The following C1orf94 variants were observed in gnomAD, a reference collection of about 807,000 sequenced individuals.
C1orf94 encodes the protein chromosome 1 open reading frame 94.
In C1orf94, 45 loss-of-function variants were observed where a neutral mutation model predicts 53.6. The ratio of observed to expected loss-of-function variants is 0.84; its 90% CI spans 0.66 to 1.08. The LOEUF (loss-of-function observed/expected upper bound fraction) is 1.08. Ranked by LOEUF, C1orf94 falls within the 50% of genes least tolerant of loss-of-function variation. The pLI is 0.00. For synonymous variants in C1orf94, 304 were observed against 296.1 expected, an observed-to-expected ratio of 1.03 and a Z score of -0.27; for missense variants, 762 against 738.9, an observed-to-expected ratio of 1.03 and a Z score of -0.36.
In C1orf94 at chr1:34,200,708, G is replaced by A. The variant is rs1043949610; in HGVS notation, c.1010-64G>A. On this transcript the variant is annotated intron_variant, in intron 2 of 6. Coordinates refer to ENST00000488417, the MANE Select transcript of C1orf94 (RefSeq NM_001134734.2). ...GGATTCATCATTTAGTCCACAAAAA[G>A]GTGCTTCCAGCATCCAGCACTTGGC... 4 of 1,591,748 alleles carry A rather than the reference G, an allele frequency of 2.5e-6. No individual in the cohort carries two copies. In the Admixed American group the frequency reaches 7.0e-5, roughly 28 times the overall value.
intron 4 of C1orf94, among the ~76,000 whole-genome samples, chr1:34,204,484 G>A (rs1321962460): frequency 6.6e-6 from 1 of 152,084 alleles, no homozygotes; most frequent in Non-Finnish European, 1.5e-5. Context: ...TATTGTCATG[G>A]ACCTGTTCAT....
chr1:34,197,442 G>T lies in C1orf94; in HGVS notation c.538G>T (p.Val180Phe). ...TGAGCGCCCCAGAGCCTCCATCATT[G>T]TCGGAGACAAGCTTCTGAAGCAGAA... Reference protein sequence around the residue: ...SNERPRASIIVGDKLLKQKVA... With the variant: ...SNERPRASIIFGDKLLKQKVA... The change falls in exon 2 of 7, where the codon GTC becomes TTC. Residue 180 changes from valine (V) to phenylalanine (F), a missense_variant. By Grantham distance (50) the Val-to-Phe change is conservative (BLOSUM62 -1). Transcript: ENST00000488417. This position sits in a 1 kb window ranked among gnomAD's most constrained non-coding sequence, Gnocchi z 4.1. The T allele has an allele frequency of 6.2e-7, 1 of 1,614,002 alleles. No individual in the cohort carries two copies. The highest frequency in any genetic ancestry group is 8.5e-7 in the Non-Finnish European group (1 of 1,179,922).
At chr1:34,200,745 AT>A in intron 2 of C1orf94, 26 bp from the exon 3 acceptor site, 1 of 1,613,188 alleles carries the variant, frequency 6.2e-7, no homozygotes. Flanking sequence ...TTCCAGAGGC[AT>A]TGACTCAGTT....
chr1:34,189,342 C>T (rs572265727), intron 1 of C1orf94, among the ~76,000 whole-genome samples: 6 of 141,982 alleles, frequency 4.2e-5, no homozygotes, highest in South Asian at 2.2e-4. Flanking sequence ...TATATGTGCC[C>T]GAGTGTGTGT....
rs982589175 is a variant in C1orf94, at chr1:34,197,866, G to A, written c.962G>A (p.Cys321Tyr). Residue 321 changes from cysteine (C) to tyrosine (Y), a missense_variant, in exon 2 of 7, where the codon TGT becomes TAT. By Grantham distance (194) the Cys-to-Tyr change is radical (BLOSUM62 -2). Coordinates refer to ENST00000488417, the MANE Select transcript of C1orf94 (RefSeq NM_001134734.2). The surrounding 1 kb of genome is among the most constrained non-coding windows in gnomAD (Gnocchi z 4.1). ...CAGCTCCCAGTGTTTGCCAAGATCTGTTCCAAGCCCAAGGCTGACCCTGCT... is the reference window on the plus strand; with the variant it reads ...CAGCTCCCAGTGTTTGCCAAGATCTATTCCAAGCCCAAGGCTGACCCTGCT... ...KRQLPVFAKI[C>Y]SKPKADPAVE... 1 of 1,614,076 alleles carries A rather than the reference G, an allele frequency of 6.2e-7. No homozygotes were observed. Among genetic ancestry groups the A allele is most frequent in the African/African-American group, 1.3e-5 (1 of 74,936 alleles).
chr1:34,212,438 A>G lies in C1orf94; in HGVS notation c.1721+32A>G, dbSNP rs373384984. The G allele has an allele frequency of 2.0e-3, 3,192 of 1,579,682 alleles. 23 individuals are homozygous for G. The highest frequency in any genetic ancestry group is 0.013 in the South Asian group (1,139 of 86,648). ...CAGCCCACACTGGGAGCCTAAGGGTATCCAGAAAGCTGGTGGGAACGGGGG... is the reference window on the plus strand; with the variant it reads ...CAGCCCACACTGGGAGCCTAAGGGTGTCCAGAAAGCTGGTGGGAACGGGGG... On this transcript the variant is annotated intron_variant, in intron 6 of 6. Coordinates refer to ENST00000488417, the MANE Select transcript of C1orf94 (RefSeq NM_001134734.2).
chr1:34,168,991 A>G (rs1642095062), intron 1 of C1orf94, among the ~76,000 whole-genome samples: 1 of 152,178 alleles, frequency 6.6e-6, no homozygotes, highest in Non-Finnish European at 1.5e-5. Flanking sequence ...GTAAAGAGAT[A>G]TCTGTTTACA....
chr1:34,195,956 CA>C (rs768753117), intron 1 of C1orf94, among the ~76,000 whole-genome samples: 2 of 152,236 alleles, frequency 1.3e-5, no homozygotes, highest in Non-Finnish European at 2.9e-5. Flanking sequence ...AAGCCTAAGC[CA>C]CAGCAGCTGA....
chr1:34,182,608 G>T (rs191749498), intron 1 of C1orf94, among the ~76,000 whole-genome samples: 2 of 152,180 alleles, frequency 1.3e-5, no homozygotes, highest in Non-Finnish European at 2.9e-5. Flanking sequence ...GGATTCAACT[G>T]TGTGTTTTAA....
chr1:34,201,141 A>G, intron 3 of C1orf94, 109 bp downstream of exon 3: 1 of 1,432,108 alleles, frequency 7.0e-7, no homozygotes, highest in Non-Finnish European at 9.3e-7. Flanking sequence ...CTGCCTTTCT[A>G]GAGGTGTCAG....
rs1642250328 is a variant in C1orf94 at position 34,177,692 on chromosome 1, A to T, written c.-98A>T. 1.8e-6 allele frequency: 2 copies of T among 1,141,620 alleles called. No homozygotes were observed. Among genetic ancestry groups the T allele is most frequent in the South Asian group, 1.7e-5 (1 of 57,990 alleles). 70.7% of individuals were successfully genotyped at this position (1,141,620 alleles called of 1,614,324 possible). ...GTCCTCCACCCACCCCTCCCACACA[A>T]ATAGAAGGCCTCTGAACCTAACCAC... On this transcript the variant is annotated 5_prime_UTR_variant, in exon 1 of 7. Transcript: ENST00000488417.
chr1:34,178,231 C>T lies in C1orf94; in HGVS notation c.320+122C>T, dbSNP rs189193810. 1.0e-3 allele frequency: 1,050 copies of T among 1,034,234 alleles called. 4 individuals are homozygous for T. The highest frequency in any genetic ancestry group is 9.9e-4 in the Non-Finnish European group (721 of 728,120). The allele number at this position is 1,034,234 out of a possible 1,614,324, so 64.1% of individuals were successfully genotyped here. ...AAACCCTAAAGGCTGTATATTGCCCCCTCCATGGTCCTTTGTCCAAGCTTT... is the reference window on the plus strand; with the variant it reads ...AAACCCTAAAGGCTGTATATTGCCCTCTCCATGGTCCTTTGTCCAAGCTTT... On this transcript the variant is annotated intron_variant, in intron 1 of 6. Transcript: ENST00000488417.
chr1:34,174,555 A>G (rs899416289), upstream of C1orf94, among the ~76,000 whole-genome samples: 3 of 152,198 alleles, frequency 2.0e-5, no homozygotes, highest in Admixed American at 2.0e-4. Context: ...GGTGTGTCCT[A>G]ATCTAATATG....
Position 34,200,785 on chromosome 1 carries a change from C to G in C1orf94, c.1023C>G (p.Gly341=), listed in dbSNP as rs1485259359. ...ERHHLMEWSP[G]TKEPKKGQGS... is the part of the protein sequence containing the mutation. The stretch of plus-strand genomic sequence containing the variant: ...TTCCTGCTACAGAATGGAGCCCTGG[C>G]ACCAAGGAGCCAAAAAAGGGTCAAG... The change falls in exon 3 of 7, where the codon GGC becomes GGG. Residue 341 remains glycine, a synonymous_variant. Coordinates refer to ENST00000488417, the MANE Select transcript of C1orf94 (RefSeq NM_001134734.2). 46 of 1,614,004 alleles carry G rather than the reference C, an allele frequency of 2.9e-5. No individual in the cohort carries two copies. The highest frequency in any genetic ancestry group is 3.6e-5 in the Non-Finnish European group (43 of 1,180,004).
chr1:34,201,100 T>G (rs1571345875), intron 3 of C1orf94, 68 bp downstream of exon 3: 1 of 1,524,958 alleles, frequency 6.6e-7, no homozygotes, highest in Non-Finnish European at 8.8e-7. Context: ...GGCTTCAGGG[T>G]GGCTCTGTCA....
chr1:34,210,734 A>C (rs1206459707), intron 5 of C1orf94, among the ~76,000 whole-genome samples: 4 of 151,794 alleles, frequency 2.6e-5, no homozygotes, highest in African/African-American at 9.7e-5. Flanking sequence ...GGCTCACTGC[A>C]ACCTCCACCT....
intron 1 of C1orf94, among the ~76,000 whole-genome samples, chr1:34,169,617 G>T: frequency 1.1e-5 from 1 of 92,738 alleles, no homozygotes; most frequent in African/African-American, 3.9e-5. Context: ...GAGAGAGAGA[G>T]AGAGAGAGAG....
chr1:34,197,913 G>A lies in C1orf94; in HGVS notation c.1009G>A (p.Glu337Lys). 1 of 1,610,544 alleles carries A rather than the reference G, an allele frequency of 6.2e-7. No homozygotes were observed. Among genetic ancestry groups the A allele is most frequent in the Non-Finnish European group, 8.5e-7 (1 of 1,178,000 alleles). The stretch of plus-strand genomic sequence containing the variant: ...TGCTGTGGAGAGGCACCACTTGATG[G>A]GTGAGTGGGGTTGGAACTGGGGTAG... ...DPAVERHHLMEWSPGTKEPKK... is the reference protein window; with the variant it reads ...DPAVERHHLMKWSPGTKEPKK... Residue 337 changes from glutamate (E) to lysine (K), a missense_variant and splice_region_variant, in exon 2 of 7, where the codon GAA (glutamate) becomes AAA (lysine). Physicochemically the swap from Glu to Lys is moderately conservative, Grantham distance 56. Transcript: ENST00000488417. This position sits in a 1 kb window ranked among gnomAD's most constrained non-coding sequence, Gnocchi z 4.1.
intron 5 of C1orf94, among the ~76,000 whole-genome samples, chr1:34,211,580 A>G (rs937216303): frequency 1.3e-5 from 2 of 152,160 alleles, no homozygotes; most frequent in African/African-American, 4.8e-5. Context: ...GGCTATTTAA[A>G]TTAGCTAAAA....
Sources: gnomAD v4.1 joint callset for allele counts (sites outside exome capture counted in the v4.1 genomes callset) on GRCh38, gnomAD v4.1.1 for gene constraint, Gnocchi (gnomAD v3.1) non-coding constraint, MANE v1.5 for transcripts, NCBI Gene and HGNC (gene_info 2026-07-23, HGNC 2026-07-21) for gene names.